Variants in CDC14A observed in about 807,000 individuals in gnomAD.
CDC14A encodes cell division cycle 14A, also known as dual specificity protein phosphatase CDC14A.
A neutral mutation model predicts 74.4 loss-of-function variants in CDC14A; 53 were observed. That is an observed-to-expected ratio of 0.71 (90% CI 0.57 to 0.89). The LOEUF (loss-of-function observed/expected upper bound fraction) is 0.89, where lower values mean the gene tolerates loss of function less well. Among genes scored for constraint, CDC14A ranks in the 40% least tolerant of loss-of-function variants. The pLI is 0.00. For synonymous variants in CDC14A, 247 were observed against 258.4 expected (o/e 0.96, Z 0.43); for missense variants, 646 against 713.7 (o/e 0.91, Z 1.08).
intron 8 of CDC14A, among the ~76,000 whole-genome samples, chr1:100,460,396 A>G (rs1416572051): frequency 1.3e-5 from 2 of 152,106 alleles, no homozygotes; most frequent in African/African-American, 4.8e-5. Flanking sequence ...GAGGAAGGGG[A>G]TAGGCACTGA....
chr1:100,352,982 G>C lies in CDC14A; in HGVS notation c.28G>C (p.Gly10Arg), dbSNP rs571098288. The C allele has an allele frequency of 7.9e-5, 127 of 1,614,092 alleles. 1 individual carries two copies. In the South Asian group the frequency reaches 1.2e-3, roughly 16 times the overall value. The change falls in exon 1 of 16, where the codon GGG becomes CGG. Residue 10 changes from glycine to arginine, a missense_variant. By Grantham distance (125) the Gly-to-Arg change is moderately radical. Transcript: ENST00000336454. MAAESGELI[G>R]ACEFMKDRLY... ...GGCAGCGGAGTCAGGGGAACTAATC[G>C]GGGCTTGTGAGTTCATGAAAGGTGA...
intron 1 of CDC14A, among the ~76,000 whole-genome samples, chr1:100,346,971 A>G (rs1242377699): frequency 6.6e-6 from 1 of 152,228 alleles, no homozygotes; most frequent in Non-Finnish European, 1.5e-5. Context: ...AAATTTTTAT[A>G]GAAGCCACAC....
In CDC14A at chr1:100,519,937, T is replaced by C. The variant is rs1650550805; in HGVS notation, c.*1657T>C. On this transcript the variant is annotated 3_prime_UTR_variant, in exon 16 of 16. Transcript: ENST00000336454. ...TTGAGAAGTAGGGGAAAGGGAATCA[T>C]GTTGACAGTTTTAGTTCTGTGAACA... The C allele has an allele frequency of 3.9e-5, 6 of 152,336 alleles. No homozygotes were observed. In the South Asian group the frequency reaches 1.2e-3, roughly 32 times the overall value. 9.4% of individuals were successfully genotyped at this position (152,336 alleles called of 1,614,324 possible). A position where few individuals can be genotyped will look rare whatever the true frequency, so the allele number is the denominator to read the frequency against.
rs1486233568 is a variant in CDC14A, at chr1:100,352,672, G to T, written c.-283G>T. 2.3e-6 allele frequency: 3 copies of T among 1,293,982 alleles called. No individual in the cohort carries two copies. The highest frequency in any genetic ancestry group is 2.9e-6 in the Non-Finnish European group (3 of 1,022,068). 80.2% of individuals were successfully genotyped at this position (1,293,982 alleles called of 1,614,324 possible). ...TCTGCGTTTCCCAGGCGCGGCGGCG[G>T]CGGAGCAGCAGCTGCAGCAGCCGAG... On this transcript the variant is annotated 5_prime_UTR_variant, in exon 1 of 16. Transcript: ENST00000336454.
intron 2 of CDC14A, among the ~76,000 whole-genome samples, chr1:100,376,912 G>A (rs938098545): frequency 1.3e-5 from 2 of 152,160 alleles, no homozygotes; most frequent in South Asian, 4.1e-4. Context: ...AAAGCAAGTA[G>A]TACAGGCCAT....
intron 2 of CDC14A, among the ~76,000 whole-genome samples, chr1:100,372,667 C>G (rs770630505): frequency 6.6e-6 from 1 of 152,220 alleles, no homozygotes; most frequent in Non-Finnish European, 1.5e-5. Context: ...TCCACCACAT[C>G]TGCAGTTACT....
intron 5 of CDC14A, among the ~76,000 whole-genome samples, chr1:100,428,556 TA>T (rs1663225908): frequency 2.6e-5 from 4 of 152,204 alleles, no homozygotes; most frequent in African/African-American, 9.7e-5. Flanking sequence ...TTCAGTGTAC[TA>T]CTAAATTATA....
At chr1:100,394,246 G>A (rs1022722041) in intron 4 of CDC14A, among the ~76,000 whole-genome samples, 4 of 152,132 alleles carry the variant, frequency 2.6e-5, no homozygotes, top group Non-Finnish European at 5.9e-5. Context: ...CTCCCTAGAA[G>A]GTGGGACTGC....
At position 100,449,636 on chromosome 1, in the gene CDC14A, T is replaced by A. The variant is rs576759774; in HGVS notation, c.520-5769T>A. 3.2e-3 allele frequency among the ~76,000 whole-genome samples: 483 copies of A among 152,342 alleles called. 6 individuals are homozygous for A. Among genetic ancestry groups the A allele is most frequent in the African/African-American group, 0.011 (472 of 41,580 alleles). ...CAACCCCATGGAAGCTCTTCTCATG[T>A]AGCCTTGTGTGGTACTCTGTTTACA... On this transcript the variant is annotated intron_variant, in intron 7 of 15. Transcript: ENST00000336454.
At chr1:100,496,685 A>G (rs1413488012) in intron 13 of CDC14A, among the ~76,000 whole-genome samples, 1 of 152,180 alleles carries the variant, frequency 6.6e-6, no homozygotes, top group Non-Finnish European at 1.5e-5. Context: ...CAGTTCAAAG[A>G]GGGCTTAAGC....
rs142278905 is a variant in CDC14A, at chr1:100,384,834, A to G, written c.217-5898A>G. Among the ~76,000 whole-genome samples the G allele has an allele frequency of 7.4e-4, 113 of 152,314 alleles. 2 individuals carry two copies. In the East Asian group the frequency reaches 0.014, roughly 19 times the overall value. On this transcript the variant is annotated intron_variant, in intron 3 of 15. Transcript: ENST00000336454. Reference sequence around the variant, plus strand: ...GACCATTCTGCACCCAGATTCCCTCACAAGAGCAGTAGGTTGGAGCTTACT... The same window carrying G: ...GACCATTCTGCACCCAGATTCCCTCGCAAGAGCAGTAGGTTGGAGCTTACT...
intron 10 of CDC14A, among the ~76,000 whole-genome samples, chr1:100,472,412 A>G (rs1668481029): frequency 6.6e-6 from 1 of 152,102 alleles, no homozygotes; most frequent in African/African-American, 2.4e-5. Flanking sequence ...TTTAAGTGAT[A>G]ACTTGCTTTA....
intron 7 of CDC14A, among the ~76,000 whole-genome samples, chr1:100,445,265 G>A (rs923586767): frequency 6.6e-6 from 1 of 152,116 alleles, no homozygotes; most frequent in Non-Finnish European, 1.5e-5. Context: ...ATGACCAGAG[G>A]TGACTTACTT....
At chr1:100,414,099 A>T (rs1485696426) in intron 4 of CDC14A, among the ~76,000 whole-genome samples, 1 of 152,188 alleles carries the variant, frequency 6.6e-6, no homozygotes, top group Non-Finnish European at 1.5e-5. Context: ...TGAATATATT[A>T]TCATGTTTGG....
intron 4 of CDC14A, among the ~76,000 whole-genome samples, chr1:100,419,869 A>G (rs923026355): frequency 5.9e-5 from 9 of 151,556 alleles, no homozygotes; most frequent in Non-Finnish European, 8.8e-5. Context: ...TCACACAAGT[A>G]AAATATTAAA....
chr1:100,507,770 C>G (rs1335510607), intron 15 of CDC14A, among the ~76,000 whole-genome samples: 1 of 152,122 alleles, frequency 6.6e-6, no homozygotes, highest in Non-Finnish European at 1.5e-5. Flanking sequence ...TTCTCCACCT[C>G]CCAGGTTCAA....
intron 10 of CDC14A, chr1:100,481,113 G>T (rs775982652): frequency 6.6e-6 from 1 of 152,156 alleles, no homozygotes; most frequent in Non-Finnish European, 1.5e-5. Context: ...ACTTCTTTAG[G>T]CCAGGAACTG....
At chr1:100,355,681 T>G (rs1651781557) in intron 2 of CDC14A, among the ~76,000 whole-genome samples, 1 of 152,330 alleles carries the variant, frequency 6.6e-6, no homozygotes, top group South Asian at 2.1e-4. Flanking sequence ...CTTACCCTAC[T>G]GTGCCACAGT....
intron 1 of CDC14A, among the ~76,000 whole-genome samples, chr1:100,346,190 A>AACAAT (rs1650404414): frequency 6.6e-6 from 1 of 152,020 alleles, no homozygotes; most frequent in African/African-American, 2.4e-5. Context: ...AACAAAACAA[A>AACAAT]ACAAAACAAA....
Sources: gnomAD v4.1 joint callset for allele counts (sites outside exome capture counted in the v4.1 genomes callset) on GRCh38, gnomAD v4.1.1 for gene constraint, MANE v1.5 for transcripts, NCBI Gene and HGNC (gene_info 2026-07-23, HGNC 2026-07-21) for gene names.